TGFBR3: variants seen among roughly 807,000 people sequenced by gnomAD.
TGFBR3 encodes the protein transforming growth factor beta receptor type 3.
A neutral mutation model predicts 87.9 loss-of-function variants in TGFBR3; 46 were observed. The observed-to-expected ratio is 0.52, with a 90% confidence interval of 0.41 to 0.67. The LOEUF (loss-of-function observed/expected upper bound fraction) is 0.67, where lower values mean the gene tolerates loss of function less well. TGFBR3 is among the 30% of genes least tolerant of loss of function. The pLI is 0.00. For missense variants in TGFBR3, 866 were observed against 1,041.9 expected, an observed-to-expected ratio of 0.83 and a Z score of 2.32; for synonymous variants, 381 against 391.6, an observed-to-expected ratio of 0.97 and a Z score of 0.32.
intron 2 of TGFBR3, among the ~76,000 whole-genome samples, chr1:91,856,557 CG>C (rs1455667953): frequency 6.6e-6 from 1 of 152,192 alleles, no homozygotes; most frequent in Admixed American, 6.5e-5. Flanking sequence ...GCTCAATTTA[CG>C]TGCTCCCTTG....
intron 16 of TGFBR3, among the ~76,000 whole-genome samples, chr1:91,693,297 C>A (rs1334358765): frequency 3.9e-5 from 6 of 152,174 alleles, no homozygotes; most frequent in Non-Finnish European, 5.9e-5. Flanking sequence ...TGTCTATAAA[C>A]CTTTTACCTT....
At chr1:91,831,110 T>C (rs913845605) in intron 2 of TGFBR3, among the ~76,000 whole-genome samples, 4 of 152,210 alleles carry the variant, frequency 2.6e-5, no homozygotes, top group Non-Finnish European at 5.9e-5. Flanking sequence ...GGGCACAACC[T>C]GCACCATGCC....
At chr1:91,896,824 G>A (rs936829979) in intron 2 of TGFBR3, among the ~76,000 whole-genome samples, 1 of 151,858 alleles carries the variant, frequency 6.6e-6, no homozygotes, top group African/African-American at 2.4e-5. Flanking sequence ...AAGTAAACAA[G>A]TCTTAAAGGG....
At chr1:91,869,753 T>C (rs1398974065) in intron 1 of TGFBR3, among the ~76,000 whole-genome samples, 2 of 152,228 alleles carry the variant, frequency 1.3e-5, no homozygotes, top group African/African-American at 2.4e-5. Flanking sequence ...ACCTCAGGCA[T>C]CCTCAAAGGA....
At chr1:91,854,967 A>G (rs553574068) in intron 2 of TGFBR3, among the ~76,000 whole-genome samples, 40 of 152,214 alleles carry the variant, frequency 2.6e-4, no homozygotes, top group Non-Finnish European at 1.3e-4. Flanking sequence ...AACATTTTTA[A>G]GATTACAAAT....
At chr1:91,776,249 G>A (rs918253590) in intron 3 of TGFBR3, among the ~76,000 whole-genome samples, 41 of 152,254 alleles carry the variant, frequency 2.7e-4, no homozygotes, top group Non-Finnish European at 2.4e-4. Flanking sequence ...TATCCACTGT[G>A]TTTTTGTTAC....
At chr1:91,777,564 C>G (rs1330638227) in intron 3 of TGFBR3, among the ~76,000 whole-genome samples, 1 of 151,618 alleles carries the variant, frequency 6.6e-6, no homozygotes. Flanking sequence ...TCCAGCAATG[C>G]CTTCCCCCAG....
intron 3 of TGFBR3, among the ~76,000 whole-genome samples, chr1:91,761,250 C>A (rs973381853): frequency 4.8e-4 from 73 of 152,282 alleles, no homozygotes; most frequent in African/African-American, 1.7e-3. Flanking sequence ...AGAAAAAGAT[C>A]TATGAGACAG....
chr1:91,856,947 A>T (rs1677976884), intron 2 of TGFBR3, among the ~76,000 whole-genome samples: 1 of 152,224 alleles, frequency 6.6e-6, no homozygotes, highest in Non-Finnish European at 1.5e-5. Context: ...GCCACTTATT[A>T]GTTCCAGGAC....
At chr1:91,805,904 G>A (rs1347561428) in intron 2 of TGFBR3, among the ~76,000 whole-genome samples, 1 of 152,172 alleles carries the variant, frequency 6.6e-6, no homozygotes, top group Non-Finnish European at 1.5e-5. Context: ...ATTTGAACCT[G>A]GGTCTCTGAG....
At chr1:91,698,594 C>T (rs1451580280) in intron 14 of TGFBR3, among the ~76,000 whole-genome samples, 5 of 150,938 alleles carry the variant, frequency 3.3e-5, no homozygotes, top group Admixed American at 1.3e-4. Context: ...CTGCAGCCTC[C>T]GCCTCCCAGG....
chr1:91,789,307 A>G (rs1367352819), intron 3 of TGFBR3, among the ~76,000 whole-genome samples: 3 of 151,412 alleles, frequency 2.0e-5, no homozygotes, highest in African/African-American at 7.3e-5. Flanking sequence ...ACTCGTCTCG[A>G]AAAAAAAAGG....
At position 91,780,841 on chromosome 1, in the gene TGFBR3, A is replaced by C. The variant is rs572654838; in HGVS notation, c.246+16446T>G. On this transcript the variant is annotated intron_variant, in intron 3 of 16. Coordinates refer to ENST00000212355, the MANE Select transcript of TGFBR3 (RefSeq NM_003243.5). ...CCAAAGTGCTGGGATTACAGGTGTG[A>C]GCCACTGCACCCGGCCTTCCTAAGG... Among the ~76,000 whole-genome samples, 4 of 151,152 alleles carry C rather than the reference A, an allele frequency of 2.6e-5. No individual in the cohort carries two copies. In the South Asian group the frequency reaches 6.3e-4, roughly 24 times the overall value.
chr1:91,852,251 A>G (rs1404801292), intron 2 of TGFBR3, among the ~76,000 whole-genome samples: 1 of 150,086 alleles, frequency 6.7e-6, no homozygotes, highest in African/African-American at 2.4e-5. Flanking sequence ...GTCTCAGGGA[A>G]AAAAAAAAAG....
intron 2 of TGFBR3, among the ~76,000 whole-genome samples, chr1:91,858,389 C>A (rs1038775113): frequency 6.6e-6 from 1 of 151,518 alleles, no homozygotes; most frequent in Non-Finnish European, 1.5e-5. Flanking sequence ...CCGAGGCAGG[C>A]GGATTGCCTG....
chr1:91,770,378 A>C (rs997986624), intron 3 of TGFBR3, among the ~76,000 whole-genome samples: 2 of 152,234 alleles, frequency 1.3e-5, no homozygotes. Context: ...CACCTGTTCT[A>C]GTCTCTGATC....
At chr1:91,774,531 G>A (rs146596271) in intron 3 of TGFBR3, among the ~76,000 whole-genome samples, 1 of 152,144 alleles carries the variant, frequency 6.6e-6, no homozygotes, top group African/African-American at 2.4e-5. Context: ...ATCAAAATAT[G>A]ATTTAAAAAA....
chr1:91,885,758 A>G, intron 1 of TGFBR3, 120 bp downstream of exon 1: 1 of 191,114 alleles, frequency 5.2e-6, no homozygotes, highest in Non-Finnish European at 1.1e-5. Flanking sequence ...TGGCGGCTGG[A>G]GCGACCCTGG....
chr1:91,866,413 C>T (rs1215410556), intron 1 of TGFBR3, among the ~76,000 whole-genome samples: 4 of 152,146 alleles, frequency 2.6e-5, no homozygotes, highest in Non-Finnish European at 4.4e-5. Flanking sequence ...AAGAAATCTT[C>T]GGAATCACAT....
Sources: allele counts gnomAD v4.1 joint callset (sites outside exome capture counted in the v4.1 genomes callset), GRCh38; gene constraint gnomAD v4.1.1; transcripts MANE v1.5; gene names NCBI Gene and HGNC (gene_info 2026-07-23, HGNC 2026-07-21).